The following FARP2 variants were observed in gnomAD, a reference collection of about 807,000 sequenced individuals.
FARP2 encodes the protein FERM, ARH/RhoGEF and pleckstrin domain protein 2.
A neutral mutation model predicts 130.5 loss-of-function variants in FARP2; 111 were observed. That is an observed-to-expected ratio of 0.85 (90% confidence interval 0.73 to 1.00). FARP2 has a LOEUF of 1.00. Among genes scored for constraint, FARP2 ranks in the 50% least tolerant of loss-of-function variants. The probability of loss-of-function intolerance (pLI) is 0.00; values close to 1 mark genes in which losing one functional copy is unlikely to be tolerated. For synonymous variants in FARP2, 504 were observed against 516.9 expected, an observed-to-expected ratio of 0.98 and a Z score of 0.34; for missense variants, 1,385 against 1,346.3, an observed-to-expected ratio of 1.03 and a Z score of -0.45.
chr2:241,383,163 C>T (rs556089612), intron 2 of FARP2, among the ~76,000 whole-genome samples: 1 of 152,348 alleles, frequency 6.6e-6, no homozygotes, highest in South Asian at 2.1e-4. Context: ...TGTGCACCAC[C>T]CTCTGCCGTC....
At chr2:241,394,134 G>T (rs1459957964) in intron 2 of FARP2, among the ~76,000 whole-genome samples, 2 of 152,176 alleles carry the variant, frequency 1.3e-5, no homozygotes, top group African/African-American at 4.8e-5. Flanking sequence ...TTGGGAACAT[G>T]CAGTGATTAT....
At chr2:241,405,372 T>G (rs2062305571) in intron 4 of FARP2, 1 of 152,174 alleles carries the variant, frequency 6.6e-6, no homozygotes, top group Non-Finnish European at 1.5e-5. Context: ...ATTATTTTCG[T>G]TCATCTACTT....
At chr2:241,387,984 G>GT (rs2061827472) in intron 2 of FARP2, among the ~76,000 whole-genome samples, 1 of 152,020 alleles carries the variant, frequency 6.6e-6, no homozygotes, top group Non-Finnish European at 1.5e-5. Flanking sequence ...ATATTGTTAA[G>GT]ATGGCAATAC....
At chr2:241,409,041 TA>T (rs972596272) in intron 5 of FARP2, among the ~76,000 whole-genome samples, 1 of 129,840 alleles carries the variant, frequency 7.7e-6, no homozygotes, top group Non-Finnish European at 1.7e-5. Context: ...AGATAGATGA[TA>T]GATAGATAGA....
intron 17 of FARP2, chr2:241,466,575 T>G: frequency 1.0e-6 from 1 of 985,274 alleles, no homozygotes; most frequent in Non-Finnish European, 1.2e-6. Flanking sequence ...GCTAGAAGCC[T>G]AGCGAGTGTG....
intron 7 of FARP2, among the ~76,000 whole-genome samples, chr2:241,414,614 T>C (rs1223839654): frequency 6.6e-6 from 1 of 152,140 alleles, no homozygotes; most frequent in East Asian, 1.9e-4. Context: ...CCCCGTAAGA[T>C]TGTGTGGATT....
chr2:241,419,042 C>G (rs1237745799), intron 8 of FARP2, among the ~76,000 whole-genome samples: 2 of 152,162 alleles, frequency 1.3e-5, no homozygotes, highest in Non-Finnish European at 2.9e-5. Flanking sequence ...GCTGCTGTTT[C>G]TTTGTGGGCT....
In FARP2 at chr2:241,491,101, T is replaced by C; in HGVS notation, c.2545T>C (p.Ser849Pro). The C allele has an allele frequency of 3.1e-6, 5 of 1,613,356 alleles. No homozygotes were observed. The highest frequency in any genetic ancestry group is 4.2e-6 in the Non-Finnish European group (5 of 1,179,956). The stretch of plus-strand genomic sequence containing the variant: ...AGAGAAGTGGATGCTGGACCTGAAC[T>C]CCGCGATCCAAGCAGCCAAGAGTGG... ...EKEKWMLDLNSAIQAAKSGGD... is the reference protein window; with the variant it reads ...EKEKWMLDLNPAIQAAKSGGD... The change falls in exon 23 of 27, where the codon TCC becomes CCC. Residue 849 changes from serine (S) to proline (P), a missense_variant. Coordinates refer to ENST00000264042, the MANE Select transcript of FARP2 (RefSeq NM_014808.4).
chr2:241,494,056 A>C lies in FARP2; in HGVS notation c.3096A>C (p.Pro1032=). 4 of 1,427,820 alleles carry C rather than the reference A, an allele frequency of 2.8e-6. No individual in the cohort carries two copies. Among genetic ancestry groups the C allele is most frequent in the Non-Finnish European group, 3.7e-6 (4 of 1,090,752 alleles). 88.4% of individuals were successfully genotyped at this position (1,427,820 alleles called of 1,614,324 possible). A position where few individuals can be genotyped will look rare whatever the true frequency, so the allele number is the denominator to read the frequency against. The change falls in exon 27 of 27, where the codon CCA becomes CCC. Residue 1032 remains proline (P), a synonymous_variant. Coordinates refer to ENST00000264042, the MANE Select transcript of FARP2 (RefSeq NM_014808.4). This position sits in a 1 kb window ranked among gnomAD's most constrained non-coding sequence, Gnocchi z 4.9. The part of the protein sequence containing the change: ...QGASSSAGRA[P]SIVQDGPQPS... ...CCAGCAGCTCAGCCGGGAGGGCCCCAAGCATCGTGCAGGATGGCCCCCAAC... is the reference window on the plus strand; with the variant it reads ...CCAGCAGCTCAGCCGGGAGGGCCCCCAGCATCGTGCAGGATGGCCCCCAAC...
chr2:241,413,450 A>AT (rs1211159447), intron 7 of FARP2, 29 bp downstream of exon 7: 1 of 1,408,776 alleles, frequency 7.1e-7, no homozygotes, highest in African/African-American at 1.4e-5. Flanking sequence ...CTGTCAACAC[A>AT]TTGTCACCAC....
chr2:241,419,907 T>C (rs2062763731), intron 8 of FARP2, among the ~76,000 whole-genome samples: 1 of 152,168 alleles, frequency 6.6e-6, no homozygotes, highest in African/African-American at 2.4e-5. Flanking sequence ...CTCAGCACTT[T>C]GGGAGGCTAA....
intron 2 of FARP2, among the ~76,000 whole-genome samples, chr2:241,400,334 A>G (rs1255613506): frequency 6.6e-6 from 1 of 152,216 alleles, no homozygotes; most frequent in Non-Finnish European, 1.5e-5. Context: ...CAGTCCGGGA[A>G]TCTGGCCGTG....
At position 241,478,265 on chromosome 2, in the gene FARP2, A is replaced by G. The variant is rs1434414166; in HGVS notation, c.2262+2278A>G. 2.3e-5 allele frequency: 4 copies of G among 176,380 alleles called. No individual in the cohort carries two copies. The Admixed American group carries it at 2.4e-4, about 10-fold the overall frequency. 10.9% of individuals were successfully genotyped at this position (176,380 alleles called of 1,614,324 possible). A position where few individuals can be genotyped will look rare whatever the true frequency, so the allele number is the denominator to read the frequency against. ...CAGTGAGCTATGATCCCACCACTGCACTTTAGCCTGGACAACAGAGTGAGA... is the reference window on the plus strand; with the variant it reads ...CAGTGAGCTATGATCCCACCACTGCGCTTTAGCCTGGACAACAGAGTGAGA... On this transcript the variant is annotated intron_variant, in intron 19 of 26. Coordinates refer to ENST00000264042, the MANE Select transcript of FARP2 (RefSeq NM_014808.4).
At chr2:241,404,941 A>G (rs2062293720) in intron 4 of FARP2, 100 bp downstream of exon 4, 3 of 859,682 alleles carry the variant, frequency 3.5e-6, no homozygotes, top group Non-Finnish European at 3.8e-6. Context: ...ACCACCGTGT[A>G]TGGTTAGCAA....
intron 17 of FARP2, chr2:241,465,767 C>T (rs1475318870): frequency 1.9e-5 from 29 of 1,550,546 alleles, no homozygotes; most frequent in Middle Eastern, 1.7e-4. Context: ...ACTCAAGCTC[C>T]CCCTCCTCCA....
chr2:241,372,996 G>A (rs930743563), intron 1 of FARP2, 88 bp from the exon 2 acceptor site: 6 of 601,582 alleles, frequency 1.0e-5, no homozygotes, highest in South Asian at 6.3e-5. Flanking sequence ...GAGGATTCCC[G>A]TGTCTCCGAT....
In FARP2 at chr2:241,494,028, G is replaced by C. The variant is rs1174496580; in HGVS notation, c.3068G>C (p.Gly1023Ala). The part of the protein sequence containing the change: ...TFERWMEVIQ[G>A]ASSSAGRAPS... ...TCCAGGTGGATGGAGGTGATCCAGG[G>C]GGCCAGCAGCTCAGCCGGGAGGGCC... Residue 1023 changes from glycine (G) to alanine (A), a missense_variant, in exon 27 of 27, where the codon GGG (glycine) becomes GCG (alanine). Transcript: ENST00000264042. This position sits in a 1 kb window ranked among gnomAD's most constrained non-coding sequence, Gnocchi z 4.9. 7.2e-7 allele frequency: 1 copy of C among 1,396,990 alleles called. No individual in the cohort carries two copies. Among genetic ancestry groups the C allele is most frequent in the African/African-American group, 1.5e-5 (1 of 67,022 alleles). The allele number at this position is 1,396,990 out of a possible 1,614,324, so 86.5% of individuals were successfully genotyped here. A position where few individuals can be genotyped will look rare whatever the true frequency, so the allele number is the denominator to read the frequency against.
chr2:241,411,089 C>T lies in FARP2; in HGVS notation c.467C>T (p.Ala156Val). The T allele has an allele frequency of 6.2e-7, 1 of 1,612,440 alleles. No individual in the cohort carries two copies. Among genetic ancestry groups the T allele is most frequent in the East Asian group, 2.2e-5 (1 of 44,864 alleles). Residue 156 changes from alanine (A) to valine (V), a missense_variant, in exon 6 of 27, where the codon GCT becomes GTT. Transcript: ENST00000264042. ...RDLLEERLTCADTTAALLTSH... is the reference protein window; with the variant it reads ...RDLLEERLTCVDTTAALLTSH... ...CTGCTGGAAGAGCGTTTGACCTGTG[C>T]TGACACCACAGCGGCCCTTCTCACG... is the stretch of plus-strand genomic sequence containing the variant.
At position 241,434,957 on chromosome 2, in the gene FARP2, C is replaced by T; in HGVS notation, c.1032-5C>T. 1 of 1,526,556 alleles carries T rather than the reference C, an allele frequency of 6.6e-7. No individual in the cohort carries two copies. The highest frequency in any genetic ancestry group is 9.0e-7 in the Non-Finnish European group (1 of 1,110,456). The allele number at this position is 1,526,556 out of a possible 1,614,324, so 94.6% of individuals were successfully genotyped here. A position where few individuals can be genotyped will look rare whatever the true frequency, so the allele number is the denominator to read the frequency against. On this transcript the variant is annotated splice_polypyrimidine_tract_variant and splice_region_variant and intron_variant, in intron 10 of 26. Coordinates refer to ENST00000264042, the MANE Select transcript of FARP2 (RefSeq NM_014808.4). ...TTTATTAAAAATCTGAATCTTTATT[C>T]ACAGTGGAAGAACTCAGAAACAACT... is the stretch of plus-strand genomic sequence containing the variant.
Sources: gnomAD v4.1 joint callset for allele counts (sites outside exome capture counted in the v4.1 genomes callset) on GRCh38, gnomAD v4.1.1 for gene constraint, Gnocchi (gnomAD v3.1) non-coding constraint, MANE v1.5 for transcripts, NCBI Gene and HGNC (gene_info 2026-07-23, HGNC 2026-07-21) for gene names.